Variants in MTA3 observed in about 807,000 individuals in gnomAD.
MTA3 encodes metastasis-associated protein MTA3.
A neutral mutation model predicts 83.5 loss-of-function variants in MTA3; 34 were observed. The ratio of observed to expected loss-of-function variants is 0.41; its 90% CI spans 0.31 to 0.54. MTA3 has a LOEUF of 0.54. MTA3 is among the 20% of genes least tolerant of loss of function. The pLI is 0.33. For missense variants in MTA3, 761 were observed against 726.4 expected (o/e 1.05, Z -0.55); for synonymous variants, 303 against 252.7 (o/e 1.20, Z -1.89).
intron 14 of MTA3, among the ~76,000 whole-genome samples, chr2:42,712,192 A>T (rs920393613): frequency 1.3e-5 from 2 of 152,214 alleles, no homozygotes; most frequent in Non-Finnish European, 2.9e-5. Flanking sequence ...TTGCAGATTC[A>T]TAAAATATCT....
intron 8 of MTA3, among the ~76,000 whole-genome samples, chr2:42,675,043 T>G (rs1222934721): frequency 6.6e-6 from 1 of 152,030 alleles, no homozygotes; most frequent in Non-Finnish European, 1.5e-5. Flanking sequence ...TCCCAGGGCC[T>G]CTCAAAAGCT....
intron 12 of MTA3, among the ~76,000 whole-genome samples, chr2:42,704,972 A>G (rs1256295115): frequency 6.6e-6 from 1 of 152,216 alleles, no homozygotes; most frequent in Non-Finnish European, 1.5e-5. Context: ...TGATATTATC[A>G]TCTATGTTTC....
At chr2:42,681,145 T>C (rs1245915846) in intron 8 of MTA3, among the ~76,000 whole-genome samples, 1 of 152,212 alleles carries the variant, frequency 6.6e-6, no homozygotes, top group Non-Finnish European at 1.5e-5. Flanking sequence ...CTATCTTTTC[T>C]CCTTTCAAAT....
chr2:42,631,541 A>G (rs1686674067), intron 4 of MTA3, among the ~76,000 whole-genome samples: 1 of 152,038 alleles, frequency 6.6e-6, no homozygotes, highest in South Asian at 2.1e-4. Flanking sequence ...ACATAGGTGT[A>G]TATATTCATG....
chr2:42,680,887 G>T (rs1238750206), intron 8 of MTA3, among the ~76,000 whole-genome samples: 2 of 149,068 alleles, frequency 1.3e-5, no homozygotes, highest in Non-Finnish European at 3.0e-5. Context: ...TGAGTAGCTG[G>T]GATTACAGGC....
At chr2:42,637,316 G>T (rs1374275915) in intron 4 of MTA3, among the ~76,000 whole-genome samples, 2 of 152,114 alleles carry the variant, frequency 1.3e-5, no homozygotes, top group African/African-American at 4.8e-5. Flanking sequence ...TATCATGCTT[G>T]GGCATCTTTA....
intron 8 of MTA3, among the ~76,000 whole-genome samples, chr2:42,682,149 T>C (rs1015541436): frequency 6.6e-6 from 1 of 152,046 alleles, no homozygotes; most frequent in African/African-American, 2.4e-5. Context: ...TTGAGGCTGC[T>C]GCTGCACTCT....
intron 2 of MTA3, among the ~76,000 whole-genome samples, chr2:42,509,696 G>C (rs747854890): frequency 6.6e-6 from 1 of 151,938 alleles, no homozygotes; most frequent in Admixed American, 6.6e-5. Flanking sequence ...AATTAAGCCT[G>C]GGGGGTTGAG....
At chr2:42,577,079 T>C (rs1169538312) in intron 2 of MTA3, among the ~76,000 whole-genome samples, 2 of 101,566 alleles carry the variant, frequency 2.0e-5, no homozygotes, top group Non-Finnish European at 3.6e-5. Flanking sequence ...GGCAACAGAA[T>C]GGTACTCCAT....
At chr2:42,566,935 C>T (rs1473144966), upstream of MTA3, among the ~76,000 whole-genome samples, 1 of 152,168 alleles carries the variant, frequency 6.6e-6, no homozygotes, top group Non-Finnish European at 1.5e-5. Context: ...GTGAATTATT[C>T]AACCCTATTT....
At chr2:42,659,058 A>G (rs1202044563) in intron 7 of MTA3, among the ~76,000 whole-genome samples, 2 of 152,014 alleles carry the variant, frequency 1.3e-5, no homozygotes, top group Non-Finnish European at 2.9e-5. Flanking sequence ...TGATCATACT[A>G]TTGCGCTCCA....
chr2:42,740,946 C>G (rs1668986207), intron 16 of MTA3, among the ~76,000 whole-genome samples: 1 of 152,264 alleles, frequency 6.6e-6, no homozygotes, highest in African/African-American at 2.4e-5. Flanking sequence ...TGGCTTCTCT[C>G]TAGCTATGAA....
rs1670161886 is a variant in MTA3, at chr2:42,755,257, T to A, written c.*1858T>A. On this transcript the variant is annotated 3_prime_UTR_variant, in exon 17 of 17. Coordinates refer to ENST00000405094, the MANE Select transcript of MTA3 (RefSeq NM_001330442.2). ...GGAAATGATTCCCTCACCCTTTCACTTTCTCTCTGAACCCCTACTAAGTGG... is the reference window on the plus strand; with the variant it reads ...GGAAATGATTCCCTCACCCTTTCACATTCTCTCTGAACCCCTACTAAGTGG... 1.0e-6 allele frequency: 1 copy of A among 985,392 alleles called. No individual in the cohort carries two copies. The highest frequency in any genetic ancestry group is 1.2e-6 in the Non-Finnish European group (1 of 829,984). The allele number at this position is 985,392 out of a possible 1,614,324, so 61.0% of individuals were successfully genotyped here.
At chr2:42,545,830 AT>A (rs1355148652) in intron 2 of MTA3, among the ~76,000 whole-genome samples, 1 of 152,144 alleles carries the variant, frequency 6.6e-6, no homozygotes, top group Non-Finnish European at 1.5e-5. Context: ...AAGATTCCTG[AT>A]TAAGCCCTGA....
intron 5 of MTA3, among the ~76,000 whole-genome samples, chr2:42,642,097 C>T (rs1441011204): frequency 3.9e-5 from 6 of 152,188 alleles, no homozygotes; most frequent in Middle Eastern, 3.4e-3. Flanking sequence ...TAATTATCAT[C>T]CTTTACTTTT....
intron 4 of MTA3, among the ~76,000 whole-genome samples, chr2:42,636,061 G>C (rs986936873): frequency 6.6e-6 from 1 of 152,100 alleles, no homozygotes. Context: ...GAGCCACGGC[G>C]CCGGGCCAGG....
chr2:42,651,529 C>G lies in MTA3; in HGVS notation c.500-4671C>G, dbSNP rs533533325. On this transcript the variant is annotated intron_variant, in intron 6 of 16. Transcript: ENST00000405094. ...TTGGTGCTGGGCATGGTGGCTCATG[C>G]TTGTAATCCCAGTGCTTAGGAATTG... Among the ~76,000 whole-genome samples, 9 of 152,268 alleles carry G rather than the reference C, an allele frequency of 5.9e-5. No homozygotes were observed. In the South Asian group the frequency reaches 1.7e-3, roughly 28 times the overall value.
intron 2 of MTA3, among the ~76,000 whole-genome samples, chr2:42,498,109 A>T (rs1412415723): frequency 6.6e-6 from 1 of 152,206 alleles, no homozygotes; most frequent in East Asian, 1.9e-4. Flanking sequence ...CTACTGTTCC[A>T]TGCAGCTTAC....
At chr2:42,724,208 A>G (rs1292094667) in intron 16 of MTA3, among the ~76,000 whole-genome samples, 1 of 148,332 alleles carries the variant, frequency 6.7e-6, no homozygotes, top group Non-Finnish European at 1.5e-5. Flanking sequence ...TCTCTTTTCC[A>G]TTATACCACC....
Sources: allele counts gnomAD v4.1 joint callset (sites outside exome capture counted in the v4.1 genomes callset), GRCh38; gene constraint gnomAD v4.1.1; transcripts MANE v1.5; gene names NCBI Gene and HGNC (gene_info 2026-07-23, HGNC 2026-07-21).